Variants in CAND2 observed in about 807,000 individuals in gnomAD.
CAND2 encodes the protein cullin associated and neddylation dissociated 2 (putative).
A neutral mutation model predicts 98.9 loss-of-function variants in CAND2; 62 were observed. The ratio of observed to expected loss-of-function variants is 0.63; its 90% CI spans 0.51 to 0.77. The LOEUF (loss-of-function observed/expected upper bound fraction) is 0.77. Ranked by LOEUF, CAND2 falls within the 30% of genes least tolerant of loss-of-function variation. CAND2 has a pLI of 0.00. For missense variants in CAND2, 1,501 were observed against 1,655.2 expected (o/e 0.91, Z 1.62); for synonymous variants, 770 against 731.9 (o/e 1.05, Z -0.84).
At position 12,823,435 on chromosome 3, in the gene CAND2, T is replaced by C. The variant is rs1055662208; in HGVS notation, c.3041-2035T>C. On this transcript the variant is annotated intron_variant, in intron 11 of 14. Transcript: ENST00000456430. ...CATCTCTACCAAAAAATATAAAAATTAGCCAGGTGTAGGCTGGGCGCGGTG... is the reference window on the plus strand; with the variant it reads ...CATCTCTACCAAAAAATATAAAAATCAGCCAGGTGTAGGCTGGGCGCGGTG... 3.3e-5 allele frequency among the ~76,000 whole-genome samples: 5 copies of C among 151,604 alleles called. No homozygotes were observed. The South Asian group carries it at 1.0e-3, about 32-fold the overall frequency.
Position 12,816,585 on chromosome 3 carries a change from C to T in CAND2, c.1653C>T (p.Ala551=), listed in dbSNP as rs1356900120. 1.2e-5 allele frequency: 19 copies of T among 1,613,734 alleles called. No individual in the cohort carries two copies. Among genetic ancestry groups the T allele is most frequent in the Non-Finnish European group, 1.6e-5 (19 of 1,180,020 alleles). ...ALVVLQELVR[A]LWPLHRPRML... ...TGGTGCTGCAGGAGCTGGTGCGGGC[C>T]CTGTGGCCGCTGCACAGGCCTCGGA... Residue 551 remains alanine, a synonymous_variant, in exon 10 of 15, where the codon GCC becomes GCT. Transcript: ENST00000456430.
chr3:12,813,391 T>G lies in CAND2; in HGVS notation c.1006+3T>G, dbSNP rs370748652. ...GGATAGTGAATTCAGTGAGCAAGGT[T>G]GGTGGACAGCCCATCATTGGGGTTG... On this transcript the variant is annotated splice_donor_region_variant and intron_variant, in intron 7 of 14. Transcript: ENST00000456430. 25 of 1,612,346 alleles carry G rather than the reference T, an allele frequency of 1.6e-5. No individual in the cohort carries two copies. Among genetic ancestry groups the G allele is most frequent in the Non-Finnish European group, 2.1e-5 (25 of 1,179,186 alleles).
intron 14 of CAND2, 27 bp downstream of exon 14, chr3:12,831,599 A>T (rs2062054406): frequency 6.5e-7 from 1 of 1,534,350 alleles, no homozygotes; most frequent in South Asian, 1.2e-5. Flanking sequence ...GCCCTAGCCC[A>T]GGCCCTGGAG....
intron 4 of CAND2, 40 bp downstream of exon 4, chr3:12,808,373 A>G: frequency 3.2e-6 from 5 of 1,548,854 alleles, no homozygotes; most frequent in Non-Finnish European, 4.4e-6. Flanking sequence ...AGAGTGGGTA[A>G]AAGGGGACAG....
At chr3:12,819,543 G>A (rs76727110) in intron 10 of CAND2, among the ~76,000 whole-genome samples, 5,672 of 152,276 alleles carry the variant, frequency 0.037, 119 homozygotes, top group Non-Finnish European at 0.055. Context: ...GAGCCTGGAG[G>A]TGATCCGAGT....
intron 11 of CAND2, 79 bp downstream of exon 11, chr3:12,820,260 C>T: frequency 1.8e-6 from 2 of 1,120,006 alleles, no homozygotes; most frequent in Non-Finnish European, 1.3e-6. Flanking sequence ...GTTTACTACC[C>T]AATAGCCAAG....
chr3:12,820,289 A>G, intron 11 of CAND2, 108 bp downstream of exon 11: 2 of 779,106 alleles, frequency 2.6e-6, no homozygotes, highest in Non-Finnish European at 4.1e-6. Context: ...GAGACCCGGG[A>G]GGTGTGCCCA....
At position 12,815,077 on chromosome 3, in the gene CAND2, T is replaced by TC; in HGVS notation, c.1007-59dup. ...AGCTCTCTCTCCTCCCTGTCCCTTCTCCCCCGAGCCACAGACCTGTCCTGG... is the reference window on the plus strand; with the variant it reads ...AGCTCTCTCTCCTCCCTGTCCCTTCTCCCCCCGAGCCACAGACCTGTCCTGG... On this transcript the variant is annotated intron_variant, in intron 7 of 14. Transcript: ENST00000456430. This position sits in a 1 kb window ranked among gnomAD's most constrained non-coding sequence, Gnocchi z 5.7. 1 of 1,522,498 alleles carries TC rather than the reference T, an allele frequency of 6.6e-7. No homozygotes were observed. The highest frequency in any genetic ancestry group is 8.9e-7 in the Non-Finnish European group (1 of 1,118,868). The allele number at this position is 1,522,498 out of a possible 1,614,324, so 94.3% of individuals were successfully genotyped here.
At position 12,827,508 on chromosome 3, in the gene CAND2, C is replaced by T. The variant is rs771497295; in HGVS notation, c.3279C>T (p.Cys1093=). The stretch of plus-strand genomic sequence containing the variant: ...ACGTGCGGAAGGCGGCCTTTGAATG[C>T]ATGTATTCACTGCTTGAGAGCTGCC... ...GLDVRKAAFE[C]MYSLLESCLG... is the part of the protein sequence containing the mutation. Residue 1093 remains cysteine (C), a synonymous_variant, in exon 13 of 15, where the codon TGC becomes TGT. Coordinates refer to ENST00000456430, the MANE Select transcript of CAND2 (RefSeq NM_001162499.2). 4.2e-5 allele frequency: 67 copies of T among 1,613,978 alleles called. No homozygotes were observed. The South Asian group carries it at 6.8e-4, about 16-fold the overall frequency.
chr3:12,828,220 A>G (rs1207221116), intron 13 of CAND2, among the ~76,000 whole-genome samples: 1 of 151,932 alleles, frequency 6.6e-6, no homozygotes, highest in African/African-American at 2.4e-5. Flanking sequence ...ATCTTTCTAT[A>G]TCATTTTTTT....
chr3:12,804,464 C>T (rs924227014), intron 2 of CAND2, among the ~76,000 whole-genome samples: 3 of 152,012 alleles, frequency 2.0e-5, no homozygotes, highest in African/African-American at 7.3e-5. Flanking sequence ...AATTCCATCT[C>T]AAAAACAAAC....
At chr3:12,827,644 C>G in intron 13 of CAND2, 40 bp downstream of exon 13, 3 of 1,559,274 alleles carry the variant, frequency 1.9e-6, no homozygotes, top group Non-Finnish European at 2.6e-6. Context: ...TGCCCCTGTA[C>G]CAAGGGATAG....
intron 7 of CAND2, among the ~76,000 whole-genome samples, chr3:12,814,647 G>A (rs2061881643): frequency 6.6e-6 from 1 of 152,058 alleles, no homozygotes; most frequent in Non-Finnish European, 1.5e-5. Flanking sequence ...CCCTTCTGGA[G>A]TCCCAGTAAA....
In CAND2 at chr3:12,821,391, A is replaced by C. The variant is rs2124863476; in HGVS notation, c.3040+1210A>C. Among the ~76,000 whole-genome samples, 2 of 151,870 alleles carry C rather than the reference A, an allele frequency of 1.3e-5. 1 individual carries two copies. Among genetic ancestry groups the C allele is most frequent in the Middle Eastern group, 6.8e-3 (2 of 294 alleles). ...CTCTAATCTGGGCAACAAGAGCAAAACTCTGTCTCATAAATAAAAAAAAAG... is the reference window on the plus strand; with the variant it reads ...CTCTAATCTGGGCAACAAGAGCAAACCTCTGTCTCATAAATAAAAAAAAAG... On this transcript the variant is annotated intron_variant, in intron 11 of 14. Transcript: ENST00000456430.
Position 12,807,475 on chromosome 3 carries a change from A to G in CAND2, c.367+15A>G. ...TGCAGCCACAGGTACCCAGGTCCCCAGGACTAGGTACTGTTAGTATTTGTC... is the reference window on the plus strand; with the variant it reads ...TGCAGCCACAGGTACCCAGGTCCCCGGGACTAGGTACTGTTAGTATTTGTC... On this transcript the variant is annotated intron_variant, in intron 3 of 14. Transcript: ENST00000456430. 6.5e-7 allele frequency: 1 copy of G among 1,549,762 alleles called. No homozygotes were observed. Among genetic ancestry groups the G allele is most frequent in the Non-Finnish European group, 8.7e-7 (1 of 1,145,860 alleles).
rs565679289 is a variant in CAND2 at position 12,825,194 on chromosome 3, C to T, written c.3041-276C>T. 1.6e-4 allele frequency among the ~76,000 whole-genome samples: 24 copies of T among 151,692 alleles called. No homozygotes were observed. The East Asian group carries it at 3.9e-3, about 24-fold the overall frequency. On this transcript the variant is annotated intron_variant, in intron 11 of 14. Coordinates refer to ENST00000456430, the MANE Select transcript of CAND2 (RefSeq NM_001162499.2). ...CAGTCCCATAGCATAGGTTCTGTTA[C>T]GACTCCCATTTTACAGATGAGGACA...
At chr3:12,802,132 C>T (rs2061770915) in intron 1 of CAND2, among the ~76,000 whole-genome samples, 1 of 152,318 alleles carries the variant, frequency 6.6e-6, no homozygotes, top group African/African-American at 2.4e-5. Flanking sequence ...TCAAGACCAT[C>T]CTGGCTAACA....
At chr3:12,820,323 T>C in intron 11 of CAND2, 142 bp downstream of exon 11, 1 of 604,630 alleles carries the variant, frequency 1.7e-6, no homozygotes, top group Non-Finnish European at 2.9e-6. Flanking sequence ...GGCCTGGCCC[T>C]CCAGTTAAAA....
rs1310192605 is a variant in CAND2, at chr3:12,803,648, G to C, written c.212+17G>C. ...TGTCAAGTGGTGAGTGTCAGCCTCG[G>C]TGGAGCAGGAGAGGGGGCCCTACCT... On this transcript the variant is annotated intron_variant, in intron 2 of 14. Transcript: ENST00000456430. The C allele has an allele frequency of 6.3e-7, 1 of 1,586,878 alleles. No homozygotes were observed. The highest frequency in any genetic ancestry group is 1.1e-5 in the South Asian group (1 of 87,298).
Sources: allele counts gnomAD v4.1 joint callset (sites outside exome capture counted in the v4.1 genomes callset), GRCh38; gene constraint gnomAD v4.1.1; non-coding constraint Gnocchi (gnomAD v3.1); transcripts MANE v1.5; gene names NCBI Gene and HGNC (gene_info 2026-07-23, HGNC 2026-07-21).